The following MACROD2 variants were observed in gnomAD, a reference collection of about 807,000 sequenced individuals.
The protein encoded by MACROD2 is ADP-ribose glycohydrolase MACROD2.
In MACROD2, 36 loss-of-function variants were observed where a neutral mutation model predicts 70.4. The ratio of observed to expected loss-of-function variants is 0.51; its 90% confidence interval spans 0.39 to 0.68. The LOEUF (loss-of-function observed/expected upper bound fraction) is 0.68. Ranked by LOEUF, MACROD2 falls within the 30% of genes least tolerant of loss-of-function variation. The pLI, the probability that MACROD2 is intolerant of heterozygous loss-of-function variation, is 0.00. For synonymous variants in MACROD2, 172 were observed against 178.8 expected (o/e 0.96, Z 0.30); for missense variants, 496 against 538.4 (o/e 0.92, Z 0.78).
chr20:15,953,002 T>A (rs1263237221), intron 12 of MACROD2, among the ~76,000 whole-genome samples: 1 of 152,138 alleles, frequency 6.6e-6, no homozygotes, highest in East Asian at 1.9e-4. Flanking sequence ...CTGCTCATGA[T>A]AAACATACAC....
At chr20:14,464,801 T>A in intron 3 of MACROD2, among the ~76,000 whole-genome samples, 1 of 152,142 alleles carries the variant, frequency 6.6e-6, no homozygotes, top group Non-Finnish European at 1.5e-5. Context: ...TACCCAGTAG[T>A]CATTCAGGAG....
chr20:15,768,070 A>G (rs1408655306), intron 8 of MACROD2, among the ~76,000 whole-genome samples: 7 of 152,184 alleles, frequency 4.6e-5, no homozygotes, highest in Non-Finnish European at 2.9e-5. Context: ...AATAAAAGAT[A>G]TATGTATATA....
At chr20:14,429,940 T>A (rs989304687) in intron 3 of MACROD2, among the ~76,000 whole-genome samples, 1 of 152,202 alleles carries the variant, frequency 6.6e-6, no homozygotes, top group Non-Finnish European at 1.5e-5. Context: ...ATGCAGCCAT[T>A]ATTGCATTTT....
chr20:14,513,965 A>G (rs1180124865), intron 4 of MACROD2, among the ~76,000 whole-genome samples: 1 of 152,106 alleles, frequency 6.6e-6, no homozygotes, highest in Non-Finnish European at 1.5e-5. Context: ...ATCTTTTTAA[A>G]TTTTACAACA....
chr20:15,050,533 CTTTTT>C (rs386393390), intron 5 of MACROD2, among the ~76,000 whole-genome samples: 4 of 77,876 alleles, frequency 5.1e-5, no homozygotes, highest in South Asian at 4.1e-4. Flanking sequence ...CTATTTAGGT[CTTTTT>C]TTTTTTTTTT....
intron 8 of MACROD2, among the ~76,000 whole-genome samples, chr20:15,596,231 T>C (rs1220985651): frequency 6.6e-6 from 1 of 152,232 alleles, no homozygotes; most frequent in Non-Finnish European, 1.5e-5. Flanking sequence ...AGAGCTCCTG[T>C]TGATGGCCAG....
At chr20:14,956,365 T>TA (rs1164763533) in intron 5 of MACROD2, among the ~76,000 whole-genome samples, 3 of 152,158 alleles carry the variant, frequency 2.0e-5, no homozygotes, top group African/African-American at 2.4e-5. Context: ...TATGGGATAG[T>TA]AAAAATGGCT....
chr20:15,483,455 A>G (rs1051533584), intron 7 of MACROD2, among the ~76,000 whole-genome samples: 2 of 152,102 alleles, frequency 1.3e-5, no homozygotes, highest in Admixed American at 1.3e-4. Context: ...TGATTACTGA[A>G]GCTTTATGGT....
intron 10 of MACROD2, among the ~76,000 whole-genome samples, chr20:15,904,880 C>CAAAAAAAAAAAA (rs10556594): frequency 7.8e-6 from 1 of 129,030 alleles, no homozygotes; most frequent in Non-Finnish European, 1.6e-5. Context: ...GACTCTGTCT[C>CAAAAAAAAAAAA]AAAAAAAAAA....
chr20:15,956,578 A>G (rs1238736853), intron 12 of MACROD2, among the ~76,000 whole-genome samples: 5 of 152,192 alleles, frequency 3.3e-5, no homozygotes. Flanking sequence ...TCTTAGACAC[A>G]AAAACGAAAT....
At chr20:14,206,437 T>A (rs1170542868) in intron 3 of MACROD2, among the ~76,000 whole-genome samples, 4 of 152,210 alleles carry the variant, frequency 2.6e-5, no homozygotes, top group African/African-American at 9.6e-5. Context: ...ATAAAAACGT[T>A]CAGGAAATAT....
chr20:16,002,155 A>G (rs2066718446), intron 15 of MACROD2, among the ~76,000 whole-genome samples: 1 of 152,122 alleles, frequency 6.6e-6, no homozygotes, highest in South Asian at 2.1e-4. Context: ...ATCTCTGACA[A>G]TACAGGAACA....
At chr20:15,676,888 C>A (rs1405392177) in intron 8 of MACROD2, among the ~76,000 whole-genome samples, 5 of 152,128 alleles carry the variant, frequency 3.3e-5, no homozygotes, top group African/African-American at 4.8e-5. Flanking sequence ...AGAGCCAGTT[C>A]CTGATTTGGC....
chr20:15,048,463 T>TA (rs34212655), intron 5 of MACROD2, among the ~76,000 whole-genome samples: 22,554 of 145,586 alleles, frequency 0.15, 2,206 homozygotes, highest in Non-Finnish European at 0.22. Flanking sequence ...TACTTTTCTG[T>TA]AAAAAAAAAA....
chr20:15,799,273 G>A (rs547734769), intron 8 of MACROD2, among the ~76,000 whole-genome samples: 28 of 152,200 alleles, frequency 1.8e-4, no homozygotes, highest in African/African-American at 4.8e-4. Context: ...CACCTCAAGC[G>A]TTTATCATTT....
rs192201936 is a variant in MACROD2 at position 14,132,366 on chromosome 20, G to T, written c.271+46638G>T. Among the ~76,000 whole-genome samples the T allele has an allele frequency of 1.3e-4, 20 of 151,942 alleles. No individual in the cohort carries two copies. The East Asian group carries it at 3.5e-3, about 27-fold the overall frequency. ...CCAGACCCTTTTGGCTTTATTGACA[G>T]CCTTTGAATTTTAAGTAAATGCTGA... On this transcript the variant is annotated intron_variant, in intron 3 of 17. Transcript: ENST00000684519.
At chr20:15,019,446 T>TG (rs1600955251) in intron 5 of MACROD2, among the ~76,000 whole-genome samples, 2 of 152,290 alleles carry the variant, frequency 1.3e-5, no homozygotes, top group East Asian at 3.9e-4. Flanking sequence ...ACTACACCCC[T>TG]GCTGACCCAC....
intron 8 of MACROD2, among the ~76,000 whole-genome samples, chr20:15,694,847 T>G (rs1196840114): frequency 6.6e-6 from 1 of 152,246 alleles, no homozygotes; most frequent in African/African-American, 2.4e-5. Context: ...TTTTATAGTT[T>G]CAGGTCTTAG....
At chr20:14,416,504 A>C (rs2083807005) in intron 3 of MACROD2, among the ~76,000 whole-genome samples, 1 of 152,192 alleles carries the variant, frequency 6.6e-6, no homozygotes, top group Non-Finnish European at 1.5e-5. Context: ...TTTGTACTTC[A>C]AGAACATTAT....
Sources: gnomAD v4.1 joint callset for allele counts (sites outside exome capture counted in the v4.1 genomes callset) on GRCh38, gnomAD v4.1.1 for gene constraint, MANE v1.5 for transcripts, NCBI Gene and HGNC (gene_info 2026-07-23, HGNC 2026-07-21) for gene names.